PDS5B: variants seen among roughly 807,000 people sequenced by gnomAD.
PDS5B encodes the protein sister chromatid cohesion protein PDS5 homolog B.
PDS5B carries 51 observed loss-of-function variants against 184.1 expected under a neutral mutation model. That is an observed-to-expected ratio of 0.28 (90% CI 0.22 to 0.35). The LOEUF (loss-of-function observed/expected upper bound fraction) is 0.35, where lower values mean the gene tolerates loss of function less well. PDS5B is among the 10% of genes least tolerant of loss of function. The pLI, the probability that PDS5B is intolerant of heterozygous loss-of-function variation, is 1.00. For synonymous variants in PDS5B, 566 were observed against 569.2 expected, an observed-to-expected ratio of 0.99 and a Z score of 0.08; for missense variants, 1,180 against 1,723.3, an observed-to-expected ratio of 0.68 and a Z score of 5.58.
chr13:32,743,978 A>C (rs1953656684), intron 23 of PDS5B, among the ~76,000 whole-genome samples: 1 of 152,048 alleles, frequency 6.6e-6, no homozygotes, highest in Non-Finnish European at 1.5e-5. Context: ...AAATCAATTT[A>C]TTAATTATAT....
intron 19 of PDS5B, among the ~76,000 whole-genome samples, chr13:32,724,662 G>C (rs1301909154): frequency 6.6e-6 from 1 of 152,062 alleles, no homozygotes; most frequent in African/African-American, 2.4e-5. Context: ...GCTCACTGCA[G>C]CCTCGACCTC....
chr13:32,706,340 GT>G (rs1407431388), intron 17 of PDS5B, among the ~76,000 whole-genome samples: 4 of 151,372 alleles, frequency 2.6e-5, no homozygotes, highest in African/African-American at 9.7e-5. Context: ...ACATAAGCTT[GT>G]TTTTATTAGA....
intron 3 of PDS5B, among the ~76,000 whole-genome samples, chr13:32,652,869 A>G (rs942738533): frequency 1.3e-5 from 2 of 152,226 alleles, no homozygotes; most frequent in African/African-American, 4.8e-5. Context: ...AAAATCTTTA[A>G]AAGATGAGAA....
chr13:32,655,359 C>CATATATATATATATGTATATATAT (rs1555296312), intron 3 of PDS5B, among the ~76,000 whole-genome samples: 7 of 39,612 alleles, frequency 1.8e-4, no homozygotes, highest in African/African-American at 3.0e-4. Context: ...TGTTCTTTGC[C>CATATATATATATATGTATATATAT]ATATATATAT....
In PDS5B at chr13:32,775,095, A is replaced by ATAT; in HGVS notation, c.*44_*45insATT. 298 of 546,760 alleles carry ATAT rather than the reference A, an allele frequency of 5.5e-4. No individual in the cohort carries two copies. The highest frequency in any genetic ancestry group is 7.0e-4 in the Non-Finnish European group (271 of 387,944). 33.9% of individuals were successfully genotyped at this position (546,760 alleles called of 1,614,324 possible). ...CTTTCTCTGTGAAAGCTTTGGAAAA[A>ATAT]TCTTTTTTTTTTTTTTTGGTCAAGC... On this transcript the variant is annotated 3_prime_UTR_variant, in exon 35 of 35. Transcript: ENST00000315596.
At position 32,688,442 on chromosome 13, in the gene PDS5B, C is replaced by G; in HGVS notation, c.1356-14C>G. On this transcript the variant is annotated splice_polypyrimidine_tract_variant and intron_variant, in intron 12 of 34. Transcript: ENST00000315596. ...GAAAAAAATCAATACAATGCCTTCTCTGCTTTTTTGTAGACTACTTGTTGA... is the reference window on the plus strand; with the variant it reads ...GAAAAAAATCAATACAATGCCTTCTGTGCTTTTTTGTAGACTACTTGTTGA... 7.3e-7 allele frequency: 1 copy of G among 1,364,610 alleles called. No individual in the cohort carries two copies. Among genetic ancestry groups the G allele is most frequent in the South Asian group, 1.3e-5 (1 of 79,138 alleles). The allele number at this position is 1,364,610 out of a possible 1,614,324, so 84.5% of individuals were successfully genotyped here. A position where few individuals can be genotyped will look rare whatever the true frequency, so the allele number is the denominator to read the frequency against.
At chr13:32,630,211 CTT>C (rs757036023) in intron 1 of PDS5B, among the ~76,000 whole-genome samples, 1 of 152,220 alleles carries the variant, frequency 6.6e-6, no homozygotes. Context: ...TCTGTATACT[CTT>C]TTAGATGACT....
At chr13:32,654,556 G>A (rs1448589332) in intron 3 of PDS5B, among the ~76,000 whole-genome samples, 1 of 151,990 alleles carries the variant, frequency 6.6e-6, no homozygotes, top group Non-Finnish European at 1.5e-5. Flanking sequence ...TGTTTTAGGT[G>A]CAGGGGTACA....
chr13:32,601,102 G>A (rs917777923), intron 1 of PDS5B, among the ~76,000 whole-genome samples: 2 of 152,108 alleles, frequency 1.3e-5, no homozygotes, highest in African/African-American at 4.8e-5. Context: ...GAGTAATGCT[G>A]TACAAATTTG....
chr13:32,633,331 A>AAGTATTAG (rs1273990256), intron 1 of PDS5B, among the ~76,000 whole-genome samples: 1 of 152,244 alleles, frequency 6.6e-6, no homozygotes, highest in Non-Finnish European at 1.5e-5. Flanking sequence ...TACATAAAAA[A>AAGTATTAG]AGTATTAGAT....
At chr13:32,661,812 T>C (rs547294185) in intron 6 of PDS5B, among the ~76,000 whole-genome samples, 1 of 152,308 alleles carries the variant, frequency 6.6e-6, no homozygotes, top group East Asian at 1.9e-4. Flanking sequence ...GAATGAATGC[T>C]AAACTGATTA....
chr13:32,742,500 C>T, intron 22 of PDS5B, 91 bp from the exon 23 acceptor site: 1 of 982,948 alleles, frequency 1.0e-6, no homozygotes. Flanking sequence ...AAAAAGCATC[C>T]ATTAAATACA....
In PDS5B at chr13:32,678,897, T is replaced by G; in HGVS notation, c.1025T>G (p.Met342Arg). 6.2e-7 allele frequency: 1 copy of G among 1,603,804 alleles called. No individual in the cohort carries two copies. The highest frequency in any genetic ancestry group is 8.5e-7 in the Non-Finnish European group (1 of 1,170,714). The stretch of plus-strand genomic sequence containing the variant: ...GTGAAATTTGCTAGCCATTGTCTCA[T>G]GAACCATCCTGATTTAGCAAAAGAC... ...ECVKFASHCL[M>R]NHPDLAKDLT... The change falls in exon 10 of 35, where the codon ATG (methionine) becomes AGG (arginine). Residue 342 changes from methionine to arginine, a missense_variant. Transcript: ENST00000315596.
At chr13:32,651,288 G>A (rs188192967) in intron 2 of PDS5B, among the ~76,000 whole-genome samples, 3 of 152,192 alleles carry the variant, frequency 2.0e-5, no homozygotes, top group Non-Finnish European at 2.9e-5. Flanking sequence ...TAGCTTTTCA[G>A]TGTTGAGGGA....
At chr13:32,756,187 C>T (rs182502329) in intron 26 of PDS5B, among the ~76,000 whole-genome samples, 141 of 151,976 alleles carry the variant, frequency 9.3e-4, no homozygotes, top group Non-Finnish European at 1.3e-3. Flanking sequence ...GTTTCTGTAC[C>T]AGTCTGGTGT....
chr13:32,638,653 TG>T (rs2058604850), intron 1 of PDS5B, among the ~76,000 whole-genome samples: 1 of 72,904 alleles, frequency 1.4e-5, no homozygotes. Flanking sequence ...ATTTGAATGC[TG>T]AGAGAGTATC....
intron 1 of PDS5B, among the ~76,000 whole-genome samples, chr13:32,617,363 C>T (rs2058234871): frequency 6.6e-6 from 1 of 152,164 alleles, no homozygotes; most frequent in Non-Finnish European, 1.5e-5. Context: ...GAGGCAGCCA[C>T]ATACATATCT....
At chr13:32,592,514 C>T (rs955604336) in intron 1 of PDS5B, among the ~76,000 whole-genome samples, 5 of 151,878 alleles carry the variant, frequency 3.3e-5, no homozygotes, top group Admixed American at 2.6e-4. Context: ...GCCTTGGCCT[C>T]TCAAAGTGCT....
chr13:32,671,627 T>A (rs1320658915), intron 7 of PDS5B, among the ~76,000 whole-genome samples: 1 of 152,072 alleles, frequency 6.6e-6, no homozygotes, highest in Non-Finnish European at 1.5e-5. Context: ...AATAGCAAAA[T>A]AGAATTTGTT....
Sources: allele counts gnomAD v4.1 joint callset (sites outside exome capture counted in the v4.1 genomes callset), GRCh38; gene constraint gnomAD v4.1.1; transcripts MANE v1.5; gene names NCBI Gene and HGNC (gene_info 2026-07-23, HGNC 2026-07-21).